Variants in SCN9A observed in about 807,000 individuals in gnomAD.
The protein encoded by SCN9A is sodium channel protein type 9 subunit alpha.
SCN9A carries 131 observed loss-of-function variants against 187.0 expected under a neutral mutation model. The observed-to-expected ratio is 0.70, with a 90% CI of 0.61 to 0.81. SCN9A has a LOEUF of 0.81. Among genes scored for constraint, SCN9A ranks in the 30% least tolerant of loss-of-function variants. The pLI is 0.00. For missense variants in SCN9A, 2,252 were observed against 2,396.6 expected (o/e 0.94, Z 1.26); for synonymous variants, 809 against 808.6 (o/e 1.00, Z -0.01).
intron 17 of SCN9A, among the ~76,000 whole-genome samples, chr2:166,270,764 TATATATA>T (rs1696944672): frequency 8.4e-6 from 1 of 119,600 alleles, no homozygotes; most frequent in South Asian, 2.7e-4. Flanking sequence ...ATTTTACTGA[TATATATA>T]TATATATATA....
chr2:166,371,471 C>A (rs1332576678), intron 1 of SCN9A, among the ~76,000 whole-genome samples: 1 of 152,108 alleles, frequency 6.6e-6, no homozygotes, highest in African/African-American at 2.4e-5. Context: ...TTGCCTAAAG[C>A]CATTTCCTTC....
chr2:166,220,288 G>T (rs1694526464), intron 24 of SCN9A, among the ~76,000 whole-genome samples: 1 of 152,174 alleles, frequency 6.6e-6, no homozygotes, highest in African/African-American at 2.4e-5. Context: ...TTGAAGGTTT[G>T]TCCCCTCCAA....
chr2:166,361,770 T>G (rs1466343594), intron 1 of SCN9A, among the ~76,000 whole-genome samples: 1 of 151,848 alleles, frequency 6.6e-6, no homozygotes, highest in African/African-American at 2.4e-5. Flanking sequence ...ATAATGAGCT[T>G]AGGCAATAGC....
At chr2:166,296,920 G>A (rs1454871167) in intron 7 of SCN9A, among the ~76,000 whole-genome samples, 1 of 152,010 alleles carries the variant, frequency 6.6e-6, no homozygotes, top group South Asian at 2.1e-4. Context: ...AATCACGGCC[G>A]GGCGCAGTGG....
At chr2:166,350,657 T>C (rs13004690) in intron 1 of SCN9A, among the ~76,000 whole-genome samples, 29,439 of 152,174 alleles carry the variant, frequency 0.19, 2,970 homozygotes, top group Middle Eastern at 0.24. Context: ...GAATTAGAAC[T>C]ATATTTTATG....
chr2:166,216,798 T>C (rs1229863995), intron 24 of SCN9A, among the ~76,000 whole-genome samples: 1 of 152,098 alleles, frequency 6.6e-6, no homozygotes, highest in Admixed American at 6.6e-5. Context: ...ATTGTTAAAA[T>C]GTCCATACTA....
chr2:166,266,463 G>A (rs1483671360), intron 17 of SCN9A, among the ~76,000 whole-genome samples: 1 of 151,636 alleles, frequency 6.6e-6, no homozygotes, highest in Non-Finnish European at 1.5e-5. Context: ...GGTTACTATA[G>A]CTTTATAGTA....
At chr2:166,367,164 C>CT (rs1315303155) in intron 1 of SCN9A, among the ~76,000 whole-genome samples, 1 of 152,188 alleles carries the variant, frequency 6.6e-6, no homozygotes, top group Non-Finnish European at 1.5e-5. Context: ...GATCACTTTG[C>CT]TTTTCATACT....
chr2:166,266,666 T>A (rs1045195391), intron 17 of SCN9A, among the ~76,000 whole-genome samples: 1 of 151,694 alleles, frequency 6.6e-6, no homozygotes, highest in Non-Finnish European at 1.5e-5. Context: ...ATGGACATTT[T>A]AAAAATAATA....
At position 166,286,577 on chromosome 2, in the gene SCN9A, C is replaced by A. The variant is rs199825426; in HGVS notation, c.1361G>T (p.Arg454Ile). The change falls in exon 11 of 27, where the codon AGA becomes ATA. Residue 454 changes from arginine (R) to isoleucine (I), a missense_variant. Arg to Ile is a moderately conservative substitution (Grantham distance 97, BLOSUM62 -3). This residue lies in a region of SCN9A where 1,013 missense variants were observed against 997.4 expected (regional missense o/e 1.02). Transcript: ENST00000642356. ...AGAACTCTCTGAGAGGCCCATAATT[C>A]TGCTTCTCCTAATACTTGTATATTC... is the stretch of plus-strand genomic sequence containing the variant. Reference protein sequence around the residue: ...AAEYTSIRRSRIMGLSESSSE... With the variant: ...AAEYTSIRRSIIMGLSESSSE... 6.3e-7 allele frequency: 1 copy of A among 1,597,816 alleles called. No individual in the cohort carries two copies. The highest frequency in any genetic ancestry group is 8.5e-7 in the Non-Finnish European group (1 of 1,174,394).
chr2:166,319,910 G>T (rs1387540658), intron 1 of SCN9A, among the ~76,000 whole-genome samples: 2 of 151,968 alleles, frequency 1.3e-5, no homozygotes, highest in Non-Finnish European at 2.9e-5. Context: ...TAAGTAACAA[G>T]AAATAGAGGT....
chr2:166,245,253 T>C (rs1242876605), intron 18 of SCN9A, among the ~76,000 whole-genome samples: 1 of 151,946 alleles, frequency 6.6e-6, no homozygotes, highest in Non-Finnish European at 1.5e-5. Flanking sequence ...CAATAAAAAG[T>C]TGTAATATTT....
At chr2:166,200,894 C>A (rs1693478279) in intron 26 of SCN9A, among the ~76,000 whole-genome samples, 1 of 152,142 alleles carries the variant, frequency 6.6e-6, no homozygotes, top group Non-Finnish European at 1.5e-5. Flanking sequence ...CCTCGGCCTC[C>A]CAATGTGCTG....
At chr2:166,359,043 C>T (rs188519035) in intron 1 of SCN9A, among the ~76,000 whole-genome samples, 1 of 152,132 alleles carries the variant, frequency 6.6e-6, no homozygotes, top group Admixed American at 6.5e-5. Flanking sequence ...AAGATGCTAC[C>T]TTTATAATTC....
intron 24 of SCN9A, among the ~76,000 whole-genome samples, chr2:166,212,416 G>A (rs1231954528): frequency 1.3e-5 from 2 of 152,130 alleles, no homozygotes; most frequent in African/African-American, 4.8e-5. Context: ...TAAGATAAAA[G>A]AGTTAATTCA....
chr2:166,368,982 G>A (rs1006190945), intron 1 of SCN9A, among the ~76,000 whole-genome samples: 1 of 148,460 alleles, frequency 6.7e-6, no homozygotes, highest in African/African-American at 2.5e-5. Flanking sequence ...AGTGAAACTC[G>A]GTCTCAAAAA....
chr2:166,291,818 T>C (rs1574880039), intron 9 of SCN9A, among the ~76,000 whole-genome samples: 1 of 152,062 alleles, frequency 6.6e-6, no homozygotes, highest in Admixed American at 6.6e-5. Context: ...ACAAGCAATG[T>C]GGAAAGGATT....
At chr2:166,220,207 A>G (rs555996500) in intron 24 of SCN9A, among the ~76,000 whole-genome samples, 1 of 152,168 alleles carries the variant, frequency 6.6e-6, no homozygotes, top group Non-Finnish European at 1.5e-5. Context: ...AGCATTTGAC[A>G]AATTTCAACA....
intron 17 of SCN9A, among the ~76,000 whole-genome samples, chr2:166,264,815 C>A (rs1696662890): frequency 6.6e-6 from 1 of 151,894 alleles, no homozygotes; most frequent in South Asian, 2.1e-4. Context: ...GCTCAAAATG[C>A]AGGTTCTTAA....
Sources: gnomAD v4.1 joint callset for allele counts (sites outside exome capture counted in the v4.1 genomes callset) on GRCh38, gnomAD v4.1.1 for gene constraint, gnomAD v4.1.1 regional missense constraint, MANE v1.5 for transcripts, NCBI Gene and HGNC (gene_info 2026-07-23, HGNC 2026-07-21) for gene names.